PRLR: variants seen among roughly 807,000 people sequenced by gnomAD.
PRLR encodes the protein prolactin receptor.
Under a neutral mutation model 40.2 loss-of-function variants are expected in PRLR, and 13 were observed. The ratio of observed to expected loss-of-function variants is 0.32; its 90% CI spans 0.21 to 0.51. PRLR has a LOEUF of 0.51. Ranked by LOEUF, PRLR falls within the 20% of genes least tolerant of loss-of-function variation. The pLI is 0.97. For synonymous variants in PRLR, 269 were observed against 278.7 expected (o/e 0.97, Z 0.35); for missense variants, 656 against 747.3 (o/e 0.88, Z 1.42).
chr5:35,111,858 G>A (rs1368071498), intron 2 of PRLR, among the ~76,000 whole-genome samples: 1 of 152,178 alleles, frequency 6.6e-6, no homozygotes, highest in Non-Finnish European at 1.5e-5. Context: ...AGTTGTTTCT[G>A]GGAGGATGAT....
At chr5:35,150,106 A>T (rs904520933) in intron 1 of PRLR, among the ~76,000 whole-genome samples, 41 of 152,014 alleles carry the variant, frequency 2.7e-4, no homozygotes, top group Admixed American at 2.5e-3. Context: ...CTGGTCTCGA[A>T]CTCCCAACCT....
chr5:35,219,626 T>A (rs1401741853), intron 1 of PRLR, among the ~76,000 whole-genome samples: 1 of 152,106 alleles, frequency 6.6e-6, no homozygotes, highest in Non-Finnish European at 1.5e-5. Flanking sequence ...AGAAAAGAGA[T>A]AAACTAGTAA....
intron 1 of PRLR, among the ~76,000 whole-genome samples, chr5:35,160,913 G>A (rs1774656936): frequency 6.6e-6 from 1 of 152,156 alleles, no homozygotes; most frequent in Non-Finnish European, 1.5e-5. Context: ...CCTTCGATAA[G>A]ACTGACTTGA....
intron 1 of PRLR, among the ~76,000 whole-genome samples, chr5:35,165,860 G>A (rs1386951628): frequency 6.6e-6 from 1 of 152,118 alleles, no homozygotes; most frequent in African/African-American, 2.4e-5. Context: ...AATTCTGCTG[G>A]TGAACGTGGA....
chr5:35,203,004 G>C (rs372026727), intron 1 of PRLR, among the ~76,000 whole-genome samples: 1 of 152,108 alleles, frequency 6.6e-6, no homozygotes, highest in Non-Finnish European at 1.5e-5. Flanking sequence ...CATTGGCCTT[G>C]TTCTTAGACA....
chr5:35,228,375 C>A (rs1474015273), intron 1 of PRLR, among the ~76,000 whole-genome samples: 1 of 152,066 alleles, frequency 6.6e-6, no homozygotes, highest in African/African-American at 2.4e-5. Flanking sequence ...TGTGTGTTTT[C>A]TGATGTGCCT....
chr5:35,216,131 G>C (rs1441500991), intron 1 of PRLR, among the ~76,000 whole-genome samples: 6 of 152,028 alleles, frequency 3.9e-5, no homozygotes, highest in Non-Finnish European at 7.4e-5. Context: ...ATATCAACAA[G>C]GCTTCTGGAA....
chr5:35,216,970 G>A (rs1776300993), intron 1 of PRLR, among the ~76,000 whole-genome samples: 1 of 152,194 alleles, frequency 6.6e-6, no homozygotes, highest in Non-Finnish European at 1.5e-5. Flanking sequence ...GTAGGGTAAT[G>A]TCATGAGTGT....
At chr5:35,100,329 G>C (rs1195399610) in intron 2 of PRLR, among the ~76,000 whole-genome samples, 1 of 152,020 alleles carries the variant, frequency 6.6e-6, no homozygotes, top group Non-Finnish European at 1.5e-5. Context: ...AAAGTCCACA[G>C]TAGTGTACAG....
Position 35,064,289 on chromosome 5 carries a change from T to C in PRLR, c.*800A>G, listed in dbSNP as rs1029119414. 6.6e-6 allele frequency: 1 copy of C among 152,188 alleles called. No individual in the cohort carries two copies. Among genetic ancestry groups the C allele is most frequent in the Non-Finnish European group, 1.5e-5 (1 of 68,030 alleles). 9.4% of individuals were successfully genotyped at this position (152,188 alleles called of 1,614,324 possible). The stretch of plus-strand genomic sequence containing the variant: ...GTGGTTTTCTTTTCAAGTTAGTCTT[T>C]AGGGAATTTTTTTTTAACTAAGGAA... On this transcript the variant is annotated 3_prime_UTR_variant, in exon 10 of 10. Transcript: ENST00000618457.
chr5:35,104,021 A>G (rs1482377859), intron 2 of PRLR, among the ~76,000 whole-genome samples: 2 of 152,072 alleles, frequency 1.3e-5, no homozygotes, highest in South Asian at 2.1e-4. Context: ...GTGGGTCAGT[A>G]TGGGGAGAGC....
chr5:35,083,242 C>G (rs961283261), intron 5 of PRLR, among the ~76,000 whole-genome samples: 1 of 152,140 alleles, frequency 6.6e-6, no homozygotes, highest in African/African-American at 2.4e-5. Context: ...AACATTGTCC[C>G]TGCTTCACCA....
intron 1 of PRLR, among the ~76,000 whole-genome samples, chr5:35,169,385 A>G (rs181146315): frequency 2.8e-4 from 43 of 152,348 alleles, no homozygotes; most frequent in Middle Eastern, 6.8e-3. Context: ...AAAATGAAAT[A>G]TGATTAATTT....
intron 1 of PRLR, among the ~76,000 whole-genome samples, chr5:35,193,206 C>T (rs1775651734): frequency 1.3e-5 from 2 of 152,136 alleles, no homozygotes; most frequent in Admixed American, 6.5e-5. Context: ...CGTAGTTATG[C>T]AACAGCAGTG....
At chr5:35,146,778 A>C (rs73076832) in intron 1 of PRLR, among the ~76,000 whole-genome samples, 9,107 of 152,264 alleles carry the variant, frequency 0.06, 968 homozygotes, top group African/African-American at 0.21. Context: ...TTACCCAGGC[A>C]ATCAGGTCAG....
At chr5:35,099,519 T>G (rs887107650) in intron 2 of PRLR, among the ~76,000 whole-genome samples, 6 of 152,242 alleles carry the variant, frequency 3.9e-5, no homozygotes, top group Non-Finnish European at 8.8e-5. Context: ...ATTGTTATTT[T>G]ACAGTGTACT....
At chr5:35,201,205 C>T (rs1348976789) in intron 1 of PRLR, among the ~76,000 whole-genome samples, 1 of 152,134 alleles carries the variant, frequency 6.6e-6, no homozygotes. Context: ...TGGTTCTAGC[C>T]TTTGGAGTAA....
At chr5:35,127,251 C>T (rs146309182) in intron 1 of PRLR, among the ~76,000 whole-genome samples, 9 of 152,344 alleles carry the variant, frequency 5.9e-5, no homozygotes, top group African/African-American at 1.9e-4. Context: ...GAACACACAA[C>T]TGCAGGTGCA....
At chr5:35,221,095 G>C (rs1247828600) in intron 1 of PRLR, among the ~76,000 whole-genome samples, 1 of 152,190 alleles carries the variant, frequency 6.6e-6, no homozygotes, top group East Asian at 1.9e-4. Flanking sequence ...CTGAGAGGGT[G>C]TTACACAGCC....
Sources: gnomAD v4.1 joint callset for allele counts (sites outside exome capture counted in the v4.1 genomes callset) on GRCh38, gnomAD v4.1.1 for gene constraint, MANE v1.5 for transcripts, NCBI Gene and HGNC (gene_info 2026-07-23, HGNC 2026-07-21) for gene names.